Variants in ESRRG observed in about 807,000 individuals in gnomAD.
ESRRG encodes estrogen-related receptor gamma.
In ESRRG, 13 loss-of-function variants were observed where a neutral mutation model predicts 44.0. The ratio of observed to expected loss-of-function variants is 0.30; its 90% confidence interval spans 0.19 to 0.47. The LOEUF is 0.47. ESRRG is among the 20% of genes least tolerant of loss of function. The probability of loss-of-function intolerance (pLI) is 1.00; values close to 1 mark genes in which losing one functional copy is unlikely to be tolerated. For missense variants in ESRRG, 395 were observed against 580.6 expected, an observed-to-expected ratio of 0.68 and a Z score of 3.29; for synonymous variants, 215 against 214.6, an observed-to-expected ratio of 1.00 and a Z score of -0.02.
intron 2 of ESRRG, among the ~76,000 whole-genome samples, chr1:216,761,374 A>C (rs188406093): frequency 3.9e-5 from 6 of 152,112 alleles, no homozygotes; most frequent in Non-Finnish European, 7.4e-5. Context: ...AAAAGTGGCA[A>C]ATTTCAGTAA....
chr1:216,598,938 C>G (rs2058813464), intron 3 of ESRRG, among the ~76,000 whole-genome samples: 1 of 151,786 alleles, frequency 6.6e-6, no homozygotes, highest in African/African-American at 2.4e-5. Flanking sequence ...GAAAACATAC[C>G]TATAGAAAGA....
At chr1:216,688,283 G>A (rs921867568) in intron 1 of ESRRG, among the ~76,000 whole-genome samples, 9 of 152,136 alleles carry the variant, frequency 5.9e-5, no homozygotes, top group Admixed American at 3.3e-4. Context: ...TCAAATTCTC[G>A]AAATTGGCTG....
At chr1:216,625,423 C>CAAAAAAAAAAAAAAAAA (rs57817803) in intron 3 of ESRRG, among the ~76,000 whole-genome samples, 9 of 115,688 alleles carry the variant, frequency 7.8e-5, no homozygotes, top group African/African-American at 2.5e-4. Context: ...GCTCATTTGG[C>CAAAAAAAAAAAAAAAAA]AAAAAAAAAA....
chr1:217,088,652 A>G (rs2092241814), intron 1 of ESRRG, among the ~76,000 whole-genome samples: 1 of 151,770 alleles, frequency 6.6e-6, no homozygotes, highest in Admixed American at 6.6e-5. Flanking sequence ...ATTCCACAGC[A>G]CTGAGGCAGG....
intron 1 of ESRRG, among the ~76,000 whole-genome samples, chr1:216,963,400 G>A (rs2818782): frequency 0.52 from 78,369 of 151,820 alleles, 21,934 homozygotes; most frequent in Middle Eastern, 0.7. Flanking sequence ...GGTGCCACCC[G>A]GGATAAAAAT....
chr1:216,717,393 A>G lies in ESRRG; in HGVS notation c.56+5851T>C, dbSNP rs530410578. Reference sequence around the variant, plus strand: ...CCTAGACCTTACAAAGTACAAGACTAAAAATGAACTTGAAACAAGAATAAA... The same window carrying G: ...CCTAGACCTTACAAAGTACAAGACTGAAAATGAACTTGAAACAAGAATAAA... On this transcript the variant is annotated intron_variant, in intron 1 of 6. Coordinates refer to ENST00000408911, the MANE Select transcript of ESRRG (RefSeq NM_001438.4). Among the ~76,000 whole-genome samples the G allele has an allele frequency of 1.9e-3, 290 of 151,992 alleles. 4 individuals are homozygous for G. The highest frequency in any genetic ancestry group is 3.4e-3 in the Middle Eastern group (1 of 292).
chr1:217,126,868 A>C (rs2092898054), intron 1 of ESRRG, among the ~76,000 whole-genome samples: 1 of 152,200 alleles, frequency 6.6e-6, no homozygotes, highest in Admixed American at 6.5e-5. Flanking sequence ...GCCCAACTGC[A>C]TTGCATGAAT....
intron 3 of ESRRG, 128 bp downstream of exon 3, chr1:216,650,845 C>T (rs1553459904): frequency 1.4e-6 from 1 of 697,862 alleles, no homozygotes; most frequent in Non-Finnish European, 2.6e-6. Context: ...AAGGAGTATT[C>T]TGCCATCAGA....
At chr1:216,509,765 C>T (rs922381003) in intron 6 of ESRRG, among the ~76,000 whole-genome samples, 18 of 152,172 alleles carry the variant, frequency 1.2e-4, no homozygotes, top group Admixed American at 5.2e-4. Context: ...TACCCATTCT[C>T]GGATCTGCTA....
chr1:216,830,979 T>C (rs575048233), intron 2 of ESRRG, among the ~76,000 whole-genome samples: 23 of 151,582 alleles, frequency 1.5e-4, no homozygotes, highest in South Asian at 6.3e-4. Context: ...AGACAGACAA[T>C]TGGAAAAGAG....
At chr1:216,792,990 T>C (rs922497651) in intron 2 of ESRRG, among the ~76,000 whole-genome samples, 1 of 152,188 alleles carries the variant, frequency 6.6e-6, no homozygotes, top group Non-Finnish European at 1.5e-5. Flanking sequence ...ATCAGAATCA[T>C]GCAATACAGT....
intron 4 of ESRRG, among the ~76,000 whole-genome samples, chr1:216,566,985 A>T (rs1387274820): frequency 1.3e-5 from 2 of 152,120 alleles, no homozygotes; most frequent in African/African-American, 2.4e-5. Context: ...CATATGTATG[A>T]TGCACAGCAG....
At chr1:217,130,012 C>A (rs1030519224) in intron 1 of ESRRG, among the ~76,000 whole-genome samples, 1 of 151,974 alleles carries the variant, frequency 6.6e-6, no homozygotes, top group Admixed American at 6.6e-5. Context: ...TTAACTTGAA[C>A]CCCCAGCAGA....
intron 2 of ESRRG, among the ~76,000 whole-genome samples, chr1:216,756,128 C>T (rs1313408778): frequency 2.0e-5 from 3 of 152,004 alleles, no homozygotes; most frequent in Non-Finnish European, 4.4e-5. Flanking sequence ...ATGTAGATAG[C>T]ATCTGCTCTA....
chr1:216,855,117 AT>A (rs1379882688), intron 2 of ESRRG: 2 of 152,042 alleles, frequency 1.3e-5, no homozygotes, highest in African/African-American at 4.8e-5. Flanking sequence ...TCCCATATAT[AT>A]TTTCACCCTG....
intron 1 of ESRRG, among the ~76,000 whole-genome samples, chr1:217,012,073 A>G (rs1276978050): frequency 6.6e-6 from 1 of 152,098 alleles, no homozygotes; most frequent in African/African-American, 2.4e-5. Context: ...CACAAATATA[A>G]ATGTAAAGTA....
chr1:217,088,354 C>G (rs2092212778), intron 1 of ESRRG, among the ~76,000 whole-genome samples: 1 of 147,354 alleles, frequency 6.8e-6, no homozygotes, highest in African/African-American at 2.5e-5. Flanking sequence ...ATGGACCTAA[C>G]AGCTTCTCTT....
chr1:217,113,522 T>C (rs1242544363), intron 1 of ESRRG, among the ~76,000 whole-genome samples: 3 of 152,208 alleles, frequency 2.0e-5, no homozygotes, highest in African/African-American at 7.2e-5. Flanking sequence ...CATCCACATA[T>C]GGACATGATT....
intron 2 of ESRRG, among the ~76,000 whole-genome samples, chr1:216,837,652 C>T (rs1406064160): frequency 1.3e-5 from 2 of 152,058 alleles, no homozygotes. Context: ...AGGAATTCCT[C>T]ATGAAAGGCA....
Sources: allele counts gnomAD v4.1 joint callset (sites outside exome capture counted in the v4.1 genomes callset), GRCh38; gene constraint gnomAD v4.1.1; transcripts MANE v1.5; gene names NCBI Gene and HGNC (gene_info 2026-07-23, HGNC 2026-07-21).